The following DEPTOR variants were observed in gnomAD, a reference collection of about 807,000 sequenced individuals.
DEPTOR encodes DEP domain containing MTOR interacting protein.
Under a neutral mutation model 41.6 loss-of-function variants are expected in DEPTOR, and 41 were observed. The observed-to-expected ratio is 0.98, with a 90% CI of 0.77 to 1.28. The LOEUF is 1.28. Ranked by LOEUF, DEPTOR falls within the 50% of genes most tolerant of loss-of-function variation. The pLI, the probability that DEPTOR is intolerant of heterozygous loss-of-function variation, is 0.00. For synonymous variants in DEPTOR, 195 were observed against 192.3 expected (o/e 1.01, Z -0.12); for missense variants, 514 against 527.9 (o/e 0.97, Z 0.26).
intron 1 of DEPTOR, among the ~76,000 whole-genome samples, chr8:119,923,273 T>C (rs1179442414): frequency 2.0e-5 from 3 of 152,274 alleles, no homozygotes; most frequent in Non-Finnish European, 4.4e-5. Context: ...AGATGAGGTC[T>C]CTCTGTGGTG....
intron 1 of DEPTOR, among the ~76,000 whole-genome samples, chr8:119,904,087 TG>T (rs1337693598): frequency 2.0e-5 from 3 of 151,954 alleles, no homozygotes; most frequent in Non-Finnish European, 2.9e-5. Flanking sequence ...TCGATTTAAT[TG>T]GCTGTGTGAA....
chr8:119,979,475 C>T (rs914506229), intron 4 of DEPTOR, among the ~76,000 whole-genome samples: 2 of 152,070 alleles, frequency 1.3e-5, no homozygotes, highest in Admixed American at 6.6e-5. Context: ...GTTGCCCAGG[C>T]TGGCCTCCAA....
At chr8:120,002,812 A>ATATATATATATATATATATATATAT (rs71306853) in intron 5 of DEPTOR, among the ~76,000 whole-genome samples, 165 bp from the exon 6 acceptor site, 25 of 130,076 alleles carry the variant, frequency 1.9e-4, no homozygotes, top group East Asian at 7.6e-4. Context: ...ATATATATAT[A>ATATATATATATATATATATATATAT]ATATAAAGTA....
chr8:119,967,880 G>C (rs1165412748), intron 4 of DEPTOR, among the ~76,000 whole-genome samples: 1 of 152,086 alleles, frequency 6.6e-6, no homozygotes, highest in African/African-American at 2.4e-5. Context: ...ATTTGTTACT[G>C]TGTATTGGAG....
intron 8 of DEPTOR, among the ~76,000 whole-genome samples, chr8:120,016,071 A>G (rs1812607582): frequency 6.6e-6 from 1 of 151,826 alleles, no homozygotes; most frequent in Admixed American, 6.6e-5. Context: ...TAAAAACAAA[A>G]ACTTCCCTAG....
At chr8:119,885,963 G>C (rs1422219762) in intron 1 of DEPTOR, among the ~76,000 whole-genome samples, 1 of 150,610 alleles carries the variant, frequency 6.6e-6, no homozygotes, top group East Asian at 1.9e-4. Context: ...CTTTGCTTTT[G>C]GTTCTTTTTT....
intron 3 of DEPTOR, among the ~76,000 whole-genome samples, chr8:119,938,159 C>A (rs891984221): frequency 7.2e-5 from 11 of 152,136 alleles, no homozygotes; most frequent in African/African-American, 2.2e-4. Context: ...AAATTGGATT[C>A]CGTAGCTGAT....
chr8:120,010,141 C>A (rs911307276), intron 8 of DEPTOR, among the ~76,000 whole-genome samples: 1 of 152,146 alleles, frequency 6.6e-6, no homozygotes, highest in Non-Finnish European at 1.5e-5. Flanking sequence ...AGTTTTATAG[C>A]ATCTCAGAGT....
chr8:119,925,463 G>T (rs946545503), intron 1 of DEPTOR, among the ~76,000 whole-genome samples: 1 of 151,982 alleles, frequency 6.6e-6, no homozygotes, highest in African/African-American at 2.4e-5. Context: ...CAGATCTTGA[G>T]ATTTATTCAT....
At chr8:119,971,746 T>A (rs1828636792) in intron 4 of DEPTOR, among the ~76,000 whole-genome samples, 1 of 152,150 alleles carries the variant, frequency 6.6e-6, no homozygotes, top group African/African-American at 2.4e-5. Flanking sequence ...CATATCAAAG[T>A]GCTATATTTT....
chr8:119,889,404 A>G (rs1020836793), intron 1 of DEPTOR, among the ~76,000 whole-genome samples: 1 of 151,114 alleles, frequency 6.6e-6, no homozygotes, highest in Non-Finnish European at 1.5e-5. Flanking sequence ...AAAATTAGCC[A>G]GGTGTGTTAG....
intron 1 of DEPTOR, among the ~76,000 whole-genome samples, chr8:119,917,430 A>C (rs1260200737): frequency 1.3e-5 from 2 of 152,120 alleles, no homozygotes; most frequent in African/African-American, 4.8e-5. Flanking sequence ...CTTACCCCCA[A>C]CCCTGTGCTC....
intron 5 of DEPTOR, 133 bp downstream of exon 5, chr8:120,001,843 G>A: frequency 8.8e-7 from 1 of 1,137,752 alleles, no homozygotes; most frequent in African/African-American, 1.6e-5. Flanking sequence ...CAAGAAGCAT[G>A]AAAAAAATTC....
chr8:119,892,445 T>C (rs1827463715), intron 1 of DEPTOR, among the ~76,000 whole-genome samples: 1 of 152,240 alleles, frequency 6.6e-6, no homozygotes, highest in Non-Finnish European at 1.5e-5. Context: ...ATATAAGTAA[T>C]AGTAATGAAT....
At position 119,886,456 on chromosome 8, in the gene DEPTOR, G is replaced by GAC. The variant is rs765294763; in HGVS notation, c.122+12500_122+12501dup. The stretch of plus-strand genomic sequence containing the variant: ...GCATCTCCCCCAGTACACACACACA[G>GAC]ACACACACACACATACACATACACA... On this transcript the variant is annotated intron_variant, in intron 1 of 8. Transcript: ENST00000286234. 1.5e-4 allele frequency among the ~76,000 whole-genome samples: 13 copies of GAC among 87,656 alleles called. No individual in the cohort carries two copies. In the South Asian group the frequency reaches 2.8e-3, roughly 19 times the overall value. The allele number at this position is 87,656 out of a possible 152,430, so 57.5% of individuals were successfully genotyped here.
rs144913477 is a variant in DEPTOR at position 119,939,051 on chromosome 8, G to A, written c.425+9113G>A. Among the ~76,000 whole-genome samples the A allele has an allele frequency of 5.2e-3, 784 of 151,494 alleles. 1 individual carries two copies. Among genetic ancestry groups the A allele is most frequent in the Non-Finnish European group, 8.9e-3 (602 of 67,900 alleles). On this transcript the variant is annotated intron_variant, in intron 3 of 8. Transcript: ENST00000286234. ...AGGTTATTCAGATGCTTTGTAATTT[G>A]CCCATCAGGGGTCTTGGGGACTGAA...
At chr8:119,929,749 C>T (rs974560850) in intron 2 of DEPTOR, 66 bp from the exon 3 acceptor site, 29 of 1,546,798 alleles carry the variant, frequency 1.9e-5, no homozygotes, top group Admixed American at 5.6e-5. Flanking sequence ...CATCATACTT[C>T]GCTTGAGTAA....
rs145750961 is a variant in DEPTOR, at chr8:120,049,609, A to G, written c.1135A>G (p.Asn379Asp). ...GTTTGTCGTCTCTGTCAACGGGCTC[A>G]ATGTCCTGCATGTAGACTACCGGAC... ...CQFVVSVNGLNVLHVDYRTVS... is the reference protein window; with the variant it reads ...CQFVVSVNGLDVLHVDYRTVS... Residue 379 changes from asparagine to aspartate, a missense_variant, in exon 9 of 9, where the codon AAT (asparagine) becomes GAT (aspartate). Physicochemically the swap from Asn to Asp is conservative, Grantham distance 23 (BLOSUM62 1). Transcript: ENST00000286234. The G allele has an allele frequency of 9.9e-6, 16 of 1,613,884 alleles. No homozygotes were observed. In the African/African-American group the frequency reaches 1.6e-4, roughly 16 times the overall value.
At chr8:119,891,245 T>G (rs1397461985) in intron 1 of DEPTOR, 1 of 152,020 alleles carries the variant, frequency 6.6e-6, no homozygotes, top group African/African-American at 2.4e-5. Context: ...CTATTTCTCT[T>G]AAATTTCCTT....
Sources: allele counts gnomAD v4.1 joint callset (sites outside exome capture counted in the v4.1 genomes callset), GRCh38; gene constraint gnomAD v4.1.1; transcripts MANE v1.5; gene names NCBI Gene and HGNC (gene_info 2026-07-23, HGNC 2026-07-21).